DOCK7: variants seen among roughly 807,000 people sequenced by gnomAD.
DOCK7 encodes the protein dedicator of cytokinesis protein 7.
In DOCK7, 138 loss-of-function variants were observed where a neutral mutation model predicts 271.0. The ratio of observed to expected loss-of-function variants is 0.51; its 90% CI spans 0.44 to 0.59. The LOEUF is 0.59. Ranked by LOEUF, DOCK7 falls within the 20% of genes least tolerant of loss-of-function variation. The pLI is 0.00. For missense variants in DOCK7, 2,066 were observed against 2,592.4 expected (o/e 0.80, Z 4.41); for synonymous variants, 823 against 876.1 (o/e 0.94, Z 1.07).
At chr1:62,476,551 A>G (rs1255863490) in intron 44 of DOCK7, among the ~76,000 whole-genome samples, 1 of 152,192 alleles carries the variant, frequency 6.6e-6, no homozygotes, top group Non-Finnish European at 1.5e-5. Flanking sequence ...GATTTCTTAG[A>G]GACCATGGGT....
chr1:62,604,671 C>G, intron 14 of DOCK7: 2 of 1,613,134 alleles, frequency 1.2e-6, no homozygotes, highest in Middle Eastern at 3.3e-4. Context: ...AGAAAACAAC[C>G]TAAATGGTAA....
At chr1:62,543,606 A>G (rs1303876857) in intron 24 of DOCK7, 50 bp downstream of exon 24, 1 of 1,363,392 alleles carries the variant, frequency 7.3e-7, no homozygotes, top group African/African-American at 1.4e-5. Context: ...CATCTATTTA[A>G]TTGGTGAAAT....
intron 29 of DOCK7, among the ~76,000 whole-genome samples, chr1:62,534,507 C>T (rs1288012758): frequency 1.3e-5 from 2 of 151,966 alleles, no homozygotes; most frequent in Non-Finnish European, 1.5e-5. Flanking sequence ...CCCAACTACT[C>T]AGAAGGCTGA....
intron 39 of DOCK7, 64 bp from the exon 40 acceptor site, chr1:62,494,531 A>G (rs1646562677): frequency 2.0e-6 from 3 of 1,468,298 alleles, no homozygotes; most frequent in Non-Finnish European, 2.8e-6. Flanking sequence ...GAGTTTAGAT[A>G]GCTCGCTCAG....
intron 31 of DOCK7, among the ~76,000 whole-genome samples, chr1:62,526,657 A>G (rs1645018618): frequency 6.6e-6 from 1 of 152,206 alleles, no homozygotes; most frequent in Admixed American, 6.5e-5. Context: ...AACAGCCCCA[A>G]AGTGGAAATG....
At chr1:62,678,029 G>A (rs935916056) in intron 1 of DOCK7, among the ~76,000 whole-genome samples, 6 of 152,184 alleles carry the variant, frequency 3.9e-5, no homozygotes, top group African/African-American at 9.7e-5. Flanking sequence ...TCAGGAGGCT[G>A]AGGTGAGAGG....
chr1:62,604,268 A>G lies in DOCK7; in HGVS notation c.1682+14438T>C, dbSNP rs766645316. 9 of 1,608,940 alleles carry G rather than the reference A, an allele frequency of 5.6e-6. No homozygotes were observed. The East Asian group carries it at 1.1e-4, about 20-fold the overall frequency. On this transcript the variant is annotated intron_variant, in intron 14 of 49. Coordinates refer to ENST00000635253, the MANE Select transcript of DOCK7 (RefSeq NM_001367561.1). ...TTTCTGATACCAATACTTTATTTTC[A>G]TATCTTCAAAGTATCTTCCCACATT...
intron 14 of DOCK7, chr1:62,604,187 T>C (rs759149679): frequency 2.7e-5 from 44 of 1,613,274 alleles, no homozygotes; most frequent in Non-Finnish European, 3.6e-5. Flanking sequence ...GTTTTCTACT[T>C]GGGATCACAA....
At chr1:62,565,234 G>A (rs982914462) in intron 18 of DOCK7, among the ~76,000 whole-genome samples, 5 of 152,150 alleles carry the variant, frequency 3.3e-5, no homozygotes, top group African/African-American at 9.7e-5. Flanking sequence ...AAACCTGGCA[G>A]AGACACAACA....
At chr1:62,640,349 C>T (rs960144950) in intron 7 of DOCK7, among the ~76,000 whole-genome samples, 21 of 151,980 alleles carry the variant, frequency 1.4e-4, no homozygotes, top group East Asian at 3.9e-4. Context: ...GGGGAAACCC[C>T]GTCTCTACTA....
intron 43 of DOCK7, chr1:62,485,427 A>T: frequency 1.0e-6 from 1 of 985,382 alleles, no homozygotes; most frequent in Non-Finnish European, 1.2e-6. Context: ...AAAAAAATGA[A>T]ACATGTGACT....
At position 62,631,268 on chromosome 1, in the gene DOCK7, A is replaced by T. The variant is rs1022211823; in HGVS notation, c.1254T>A (p.Asp418Glu). 2 of 1,609,502 alleles carry T rather than the reference A, an allele frequency of 1.2e-6. No individual in the cohort carries two copies. The highest frequency in any genetic ancestry group is 1.1e-5 in the South Asian group (1 of 89,792). Residue 418 changes from aspartate (D) to glutamate (E), a missense_variant, in exon 11 of 50, where the codon GAT (aspartate) becomes GAA (glutamate). By Grantham distance (45) the Asp-to-Glu change is conservative. Coordinates refer to ENST00000635253, the MANE Select transcript of DOCK7 (RefSeq NM_001367561.1). ...CAGTACTGATTTCTACTTCTGTAGA[A>T]TCTCTTTCCAAACTCCCAGCACTGC... Reference protein sequence around the residue: ...IVSSAGSLERDSTEVEISTGE... With the variant: ...IVSSAGSLERESTEVEISTGE...
chr1:62,551,842 T>C (rs946261809), intron 22 of DOCK7, among the ~76,000 whole-genome samples: 2 of 151,336 alleles, frequency 1.3e-5, no homozygotes, highest in African/African-American at 4.8e-5. Context: ...CCATTTAAAG[T>C]ACATCTTGAA....
At chr1:62,558,916 T>G in intron 20 of DOCK7, 73 bp downstream of exon 20, 12 of 1,286,714 alleles carry the variant, frequency 9.3e-6, no homozygotes, top group East Asian at 2.4e-5. Flanking sequence ...AAATCATGTT[T>G]TTTTTTTTTA....
intron 4 of DOCK7, 105 bp downstream of exon 4, chr1:62,653,620 T>C: frequency 1.4e-6 from 1 of 723,016 alleles, no homozygotes; most frequent in Non-Finnish European, 2.4e-6. Context: ...TTCAGCTATT[T>C]TGTTTAAATA....
At chr1:62,569,007 A>G (rs77404627) in intron 18 of DOCK7, among the ~76,000 whole-genome samples, 1 of 152,156 alleles carries the variant, frequency 6.6e-6, no homozygotes, top group Non-Finnish European at 1.5e-5. Context: ...AAATAGATAA[A>G]TTCCTGGACA....
In DOCK7 at chr1:62,460,604, AACAC is replaced by A. The variant is rs57641890; in HGVS notation, c.6213-2903_6213-2900del. 9.0e-3 allele frequency among the ~76,000 whole-genome samples: 1,338 copies of A among 148,992 alleles called. 8 individuals are homozygous for A. The highest frequency in any genetic ancestry group is 0.022 in the African/African-American group (873 of 40,370). ...GCAGAAAACTTGTGCCAATGTATTG[AACAC>A]ACACACACACACACACACACACACA... is the stretch of plus-strand genomic sequence containing the variant. On this transcript the variant is annotated intron_variant, in intron 48 of 49. Transcript: ENST00000635253.
intron 1 of DOCK7, among the ~76,000 whole-genome samples, chr1:62,681,080 G>C (rs1373936769): frequency 1.3e-5 from 2 of 152,080 alleles, no homozygotes; most frequent in Admixed American, 1.3e-4. Flanking sequence ...AAAGACACAT[G>C]CACACATATG....
chr1:62,636,628 A>T, intron 7 of DOCK7, 25 bp from the exon 8 acceptor site: 1 of 1,540,284 alleles, frequency 6.5e-7, no homozygotes, highest in South Asian at 1.2e-5. Context: ...AGGATAAAAT[A>T]ATTTAAAGAT....
Sources: allele counts gnomAD v4.1 joint callset (sites outside exome capture counted in the v4.1 genomes callset), GRCh38; gene constraint gnomAD v4.1.1; transcripts MANE v1.5; gene names NCBI Gene and HGNC (gene_info 2026-07-23, HGNC 2026-07-21).